Variants in TRMT11 observed in about 807,000 individuals in gnomAD.
The protein encoded by TRMT11 is tRNA methyltransferase 11, also known as tRNA (guanine(10)-N(2))-methyltransferase TRMT11.
A neutral mutation model predicts 62.8 loss-of-function variants in TRMT11; 53 were observed. That is an observed-to-expected ratio of 0.84 (90% CI 0.68 to 1.06). The LOEUF is 1.06. Among genes scored for constraint, TRMT11 ranks in the 50% least tolerant of loss-of-function variants. The probability of loss-of-function intolerance (pLI) is 0.00; values close to 1 mark genes in which losing one functional copy is unlikely to be tolerated. For synonymous variants in TRMT11, 188 were observed against 190.3 expected (o/e 0.99, Z 0.10); for missense variants, 556 against 553.4 (o/e 1.00, Z -0.05).
intron 21 of TRMT11, among the ~76,000 whole-genome samples, chr6:126,160,367 A>G (rs1308583762): frequency 1.3e-5 from 2 of 152,244 alleles, no homozygotes; most frequent in East Asian, 1.9e-4. Flanking sequence ...AAAGTGTCTC[A>G]GAGTTGTTGC....
At chr6:126,200,410 A>C (rs1778721331) in intron 3 of TRMT11, among the ~76,000 whole-genome samples, 1 of 152,214 alleles carries the variant, frequency 6.6e-6, no homozygotes, top group Non-Finnish European at 1.5e-5. Context: ...CCGTTATTTT[A>C]AAATACAAAG....
At chr6:126,035,217 A>G (rs1212203797) in intron 12 of TRMT11, among the ~76,000 whole-genome samples, 2 of 152,128 alleles carry the variant, frequency 1.3e-5, no homozygotes, top group African/African-American at 2.4e-5. Context: ...GTTGGACCAT[A>G]GACATACTGA....
At chr6:126,254,392 G>A in the TRMT11 span, among the ~76,000 whole-genome samples, 1 of 152,192 alleles carries the variant, frequency 6.6e-6, no homozygotes, top group African/African-American at 2.4e-5. Context: ...CCACTGCAGA[G>A]TTTATAAAGA....
intron 21 of TRMT11, among the ~76,000 whole-genome samples, chr6:126,121,750 A>G (rs945892968): frequency 1.3e-5 from 2 of 152,046 alleles, no homozygotes; most frequent in Admixed American, 6.6e-5. Context: ...AGGACAATTT[A>G]TGTTCTCTTG....
At chr6:126,265,777 T>A in the TRMT11 span, among the ~76,000 whole-genome samples, 3 of 152,208 alleles carry the variant, frequency 2.0e-5, no homozygotes, top group Non-Finnish European at 4.4e-5. Flanking sequence ...TTAGCATCAA[T>A]AATATTCATC....
chr6:126,151,806 T>TTTTCTTTCTTTCTTTAGTTTCC (rs1778045447), intron 21 of TRMT11, among the ~76,000 whole-genome samples: 49 of 86,952 alleles, frequency 5.6e-4, no homozygotes, highest in African/African-American at 2.1e-3. Flanking sequence ...CCTCTCTGTC[T>TTTTCTTTCTTTCTTTAGTTTCC]TTTCTTTCTT....
chr6:126,080,167 T>C (rs569956162), intron 17 of TRMT11, among the ~76,000 whole-genome samples: 1 of 152,208 alleles, frequency 6.6e-6, no homozygotes, highest in East Asian at 1.9e-4. Context: ...AGTGGCGTGA[T>C]CATAGCTCAC....
intron 3 of TRMT11, among the ~76,000 whole-genome samples, chr6:126,201,624 C>A (rs1201496550): frequency 6.6e-6 from 1 of 152,190 alleles, no homozygotes; most frequent in African/African-American, 2.4e-5. Context: ...TCATCCACTT[C>A]TTCAGGCATT....
the TRMT11 span, among the ~76,000 whole-genome samples, chr6:126,213,942 T>A: frequency 6.6e-6 from 1 of 152,110 alleles, no homozygotes; most frequent in Admixed American, 6.6e-5. Context: ...TTGAGGCTTT[T>A]TATTAATGAA....
chr6:125,996,103 G>C, intron 3 of TRMT11, 63 bp downstream of exon 3: 1 of 1,186,376 alleles, frequency 8.4e-7, no homozygotes, highest in South Asian at 1.2e-5. Flanking sequence ...ACTCAATCCT[G>C]TTTTTTGCTA....
chr6:126,056,496 G>A (rs1485903878), intron 17 of TRMT11, among the ~76,000 whole-genome samples: 1 of 152,142 alleles, frequency 6.6e-6, no homozygotes, highest in Non-Finnish European at 1.5e-5. Context: ...CCTCTCTTAG[G>A]TGCATACCTA....
At chr6:126,008,179 G>T (rs1562255752) in intron 7 of TRMT11, among the ~76,000 whole-genome samples, 1 of 151,964 alleles carries the variant, frequency 6.6e-6, no homozygotes. Flanking sequence ...TGATGCCAGG[G>T]TATACATTAA....
At chr6:126,207,026 T>C (rs559393165), downstream of TRMT11, among the ~76,000 whole-genome samples, 1 of 152,340 alleles carries the variant, frequency 6.6e-6, no homozygotes, top group Admixed American at 6.5e-5. Flanking sequence ...ATGTTTAATA[T>C]CTCTAGTGGA....
chr6:126,037,329 C>T (rs1033287336), intron 12 of TRMT11, among the ~76,000 whole-genome samples: 3 of 151,960 alleles, frequency 2.0e-5, no homozygotes, highest in Non-Finnish European at 2.9e-5. Flanking sequence ...TTTGTTAGGT[C>T]GTACATATAA....
At chr6:126,170,574 A>T (rs376228547) in intron 21 of TRMT11, among the ~76,000 whole-genome samples, 23 of 152,006 alleles carry the variant, frequency 1.5e-4, no homozygotes, top group African/African-American at 5.3e-4. Context: ...TTATCTAGTA[A>T]AGTTAACAGG....
At chr6:126,153,031 A>T (rs771745693) in intron 21 of TRMT11, among the ~76,000 whole-genome samples, 25 of 152,212 alleles carry the variant, frequency 1.6e-4, no homozygotes, top group Non-Finnish European at 3.4e-4. Context: ...ATAATGCTAG[A>T]TTATTTTCAC....
chr6:126,167,359 T>C (rs1300562367), intron 21 of TRMT11, among the ~76,000 whole-genome samples: 6 of 152,162 alleles, frequency 3.9e-5, no homozygotes, highest in African/African-American at 1.4e-4. Flanking sequence ...TTCCCTTGGC[T>C]AGGGGAGGAA....
chr6:126,252,780 CTT>C, the TRMT11 span, among the ~76,000 whole-genome samples: 1 of 152,196 alleles, frequency 6.6e-6, no homozygotes, highest in Non-Finnish European at 1.5e-5. Context: ...AGATGACTCT[CTT>C]TAGGATTTTA....
chr6:126,123,584 C>T (rs1777675382), intron 21 of TRMT11, among the ~76,000 whole-genome samples: 1 of 151,908 alleles, frequency 6.6e-6, no homozygotes, highest in Non-Finnish European at 1.5e-5. Context: ...TGATAGTGGA[C>T]TATCTCTGTT....
Sources: allele counts gnomAD v4.1 joint callset (sites outside exome capture counted in the v4.1 genomes callset), GRCh38; gene constraint gnomAD v4.1.1; transcripts MANE v1.5; gene names NCBI Gene and HGNC (gene_info 2026-07-23, HGNC 2026-07-21).